Variants in AGBL4 observed in about 807,000 individuals in gnomAD.
AGBL4 encodes the protein AGBL carboxypeptidase 4.
A neutral mutation model predicts 66.4 loss-of-function variants in AGBL4; 58 were observed. The observed-to-expected ratio is 0.87, with a 90% CI of 0.71 to 1.09. AGBL4 has a LOEUF of 1.09. Among genes scored for constraint, AGBL4 ranks in the 50% least tolerant of loss-of-function variants. The probability of loss-of-function intolerance (pLI) is 0.00; values close to 1 mark genes in which losing one functional copy is unlikely to be tolerated. For synonymous variants in AGBL4, 234 were observed against 222.9 expected, an observed-to-expected ratio of 1.05 and a Z score of -0.44; for missense variants, 579 against 631.0, an observed-to-expected ratio of 0.92 and a Z score of 0.88.
At chr1:49,539,623 C>T (rs1651855906) in intron 3 of AGBL4, among the ~76,000 whole-genome samples, 2 of 152,144 alleles carry the variant, frequency 1.3e-5, no homozygotes, top group Admixed American at 1.3e-4. Flanking sequence ...CATAATAAAC[C>T]CTCACTGGCA....
intron 1 of AGBL4, among the ~76,000 whole-genome samples, chr1:49,915,152 C>T (rs1053129013): frequency 6.6e-6 from 1 of 152,168 alleles, no homozygotes; most frequent in East Asian, 1.9e-4. Context: ...CAGCTCCCAG[C>T]GTGAGCAACG....
chr1:48,849,921 C>T (rs1646996679), intron 6 of AGBL4, among the ~76,000 whole-genome samples: 2 of 152,076 alleles, frequency 1.3e-5, no homozygotes, highest in South Asian at 2.1e-4. Context: ...TGCTGTGAGC[C>T]GAGATCGCAC....
At chr1:49,557,959 G>A (rs930511503) in intron 3 of AGBL4, among the ~76,000 whole-genome samples, 6 of 151,692 alleles carry the variant, frequency 4.0e-5, no homozygotes, top group African/African-American at 1.5e-4. Context: ...AGCATAATAG[G>A]GCACCAGTTA....
chr1:49,958,166 T>G (rs1313089694), intron 1 of AGBL4, among the ~76,000 whole-genome samples: 1 of 152,040 alleles, frequency 6.6e-6, no homozygotes, highest in East Asian at 1.9e-4. Flanking sequence ...ATTCTTTTCT[T>G]TAAGAATGTT....
intron 3 of AGBL4, among the ~76,000 whole-genome samples, chr1:49,404,047 T>C (rs1402145228): frequency 2.6e-5 from 4 of 152,148 alleles, no homozygotes; most frequent in African/African-American, 9.7e-5. Flanking sequence ...AGCTTTGCCT[T>C]ACCACCTCCA....
rs569098177 is a variant in AGBL4, at chr1:49,530,959, G to A, written c.282+166354C>T. ...GAAATAAAAATACCTAAACACTGAG[G>A]ATTAGATGAAATAGTATATGTAAAT... is the stretch of plus-strand genomic sequence containing the variant. On this transcript the variant is annotated intron_variant, in intron 3 of 13. Coordinates refer to ENST00000371839, the MANE Select transcript of AGBL4 (RefSeq NM_032785.4). Among the ~76,000 whole-genome samples, 51 of 152,056 alleles carry A rather than the reference G, an allele frequency of 3.4e-4. 1 individual carries two copies. The South Asian group carries it at 9.8e-3, about 29-fold the overall frequency.
chr1:48,561,353 C>T (rs577023195), intron 11 of AGBL4, among the ~76,000 whole-genome samples: 18 of 152,090 alleles, frequency 1.2e-4, no homozygotes, highest in Non-Finnish European at 1.9e-4. Flanking sequence ...ACTCTACCAA[C>T]GCTGTACCAC....
chr1:49,334,156 C>T (rs1444443002), intron 3 of AGBL4, among the ~76,000 whole-genome samples: 2 of 152,110 alleles, frequency 1.3e-5, no homozygotes, highest in Admixed American at 6.5e-5. Flanking sequence ...ACTGACAAGC[C>T]TGTACAGTAA....
chr1:49,821,613 T>A (rs898009517), intron 2 of AGBL4, among the ~76,000 whole-genome samples: 1 of 152,214 alleles, frequency 6.6e-6, no homozygotes, highest in African/African-American at 2.4e-5. Context: ...TAAATACTCA[T>A]AAAGCCAATG....
At chr1:49,273,425 T>A (rs972692099) in intron 3 of AGBL4, among the ~76,000 whole-genome samples, 2 of 150,992 alleles carry the variant, frequency 1.3e-5, no homozygotes, top group Non-Finnish European at 3.0e-5. Context: ...TTGTCTAGTT[T>A]ATAAATTTTT....
intron 2 of AGBL4, among the ~76,000 whole-genome samples, chr1:49,796,979 A>G (rs1447967762): frequency 6.6e-6 from 1 of 152,158 alleles, no homozygotes; most frequent in Non-Finnish European, 1.5e-5. Flanking sequence ...CACATGAAGC[A>G]TTCTTGCTAT....
At chr1:48,703,544 A>G (rs1646835655) in intron 6 of AGBL4, among the ~76,000 whole-genome samples, 1 of 152,208 alleles carries the variant, frequency 6.6e-6, no homozygotes, top group African/African-American at 2.4e-5. Context: ...ATAATAGGGA[A>G]AAAGGACTTT....
intron 3 of AGBL4, among the ~76,000 whole-genome samples, chr1:49,532,459 C>G (rs1651215649): frequency 6.6e-6 from 1 of 152,086 alleles, no homozygotes. Flanking sequence ...AATACTTACT[C>G]ATCCCTTCTT....
At chr1:49,981,092 C>T (rs1659020545) in intron 1 of AGBL4, among the ~76,000 whole-genome samples, 1 of 152,064 alleles carries the variant, frequency 6.6e-6, no homozygotes, top group South Asian at 2.1e-4. Flanking sequence ...TTGAATGCTT[C>T]TGGAAATTTT....
chr1:49,708,974 C>A (rs775289516), intron 2 of AGBL4, among the ~76,000 whole-genome samples: 1 of 152,188 alleles, frequency 6.6e-6, no homozygotes, highest in Non-Finnish European at 1.5e-5. Context: ...CAGAGCTCTA[C>A]TGTATGAGGT....
rs996240123 is a variant in AGBL4 at position 48,927,104 on chromosome 1, C to A, written c.595-59874G>T. 2.0e-5 allele frequency among the ~76,000 whole-genome samples: 3 copies of A among 152,074 alleles called. No homozygotes were observed. In the South Asian group the frequency reaches 6.2e-4, roughly 32 times the overall value. ...AAACCCCACTCCCCCTAAATGGAGGCAGGTCAATGGCTTACAGACAGCAGC... is the reference window on the plus strand; with the variant it reads ...AAACCCCACTCCCCCTAAATGGAGGAAGGTCAATGGCTTACAGACAGCAGC... On this transcript the variant is annotated intron_variant, in intron 5 of 13. Transcript: ENST00000371839.
chr1:49,542,076 G>A (rs1020044024), intron 3 of AGBL4, among the ~76,000 whole-genome samples: 1 of 152,208 alleles, frequency 6.6e-6, no homozygotes, highest in African/African-American at 2.4e-5. Flanking sequence ...GAACGTTTGT[G>A]TCTAGCTCAG....
intron 3 of AGBL4, among the ~76,000 whole-genome samples, chr1:49,446,820 T>C (rs562515275): frequency 1.3e-5 from 2 of 152,318 alleles, no homozygotes; most frequent in African/African-American, 4.8e-5. Context: ...AACCTGGTAC[T>C]ACATGACTCC....
chr1:49,337,343 AAT>A (rs1379335602), intron 3 of AGBL4, among the ~76,000 whole-genome samples: 8 of 152,200 alleles, frequency 5.3e-5, no homozygotes, highest in Non-Finnish European at 1.5e-5. Flanking sequence ...TGTCAAATAA[AAT>A]ATGTTTTAAA....
Sources: allele counts gnomAD v4.1 joint callset (sites outside exome capture counted in the v4.1 genomes callset), GRCh38; gene constraint gnomAD v4.1.1; transcripts MANE v1.5; gene names NCBI Gene and HGNC (gene_info 2026-07-23, HGNC 2026-07-21).